The following SLC22A2 variants were observed in gnomAD, a reference collection of about 807,000 sequenced individuals.
SLC22A2 encodes the protein solute carrier family 22 member 2.
In SLC22A2, 46 loss-of-function variants were observed where a neutral mutation model predicts 60.5. The observed-to-expected ratio is 0.76, with a 90% CI of 0.60 to 0.97. The LOEUF (loss-of-function observed/expected upper bound fraction) is 0.97. Ranked by LOEUF, SLC22A2 falls within the 50% of genes least tolerant of loss-of-function variation. The pLI is 0.00. For missense variants in SLC22A2, 701 were observed against 706.6 expected, an observed-to-expected ratio of 0.99 and a Z score of 0.09; for synonymous variants, 303 against 267.0, an observed-to-expected ratio of 1.13 and a Z score of -1.31.
chr6:160,243,768 G>A lies in SLC22A2; in HGVS notation c.1083C>T (p.Leu361=). The change falls in exon 7 of 11, where the codon CTC becomes CTT. Residue 361 remains leucine, a synonymous_variant. Transcript: ENST00000366953. The stretch of plus-strand genomic sequence containing the variant: ...CCATGTGCATGATGAGGCCCTGGTA[G>A]AGCACAGAGCTCGTGAACCTGAGCA... ...LMYNWFTSSV[L]YQGLIMHMGL... 2 of 1,613,532 alleles carry A rather than the reference G, an allele frequency of 1.2e-6. No individual in the cohort carries two copies. The highest frequency in any genetic ancestry group is 1.7e-6 in the Non-Finnish European group (2 of 1,179,724).
intron 7 of SLC22A2, 39 bp from the exon 8 acceptor site, chr6:160,242,441 G>A (rs1470866486): frequency 1.8e-6 from 2 of 1,114,662 alleles, no homozygotes; most frequent in Admixed American, 1.7e-5. Flanking sequence ...GTACACAGAT[G>A]ATTCCTCATC....
intron 9 of SLC22A2, among the ~76,000 whole-genome samples, chr6:160,228,811 G>A (rs569819583): frequency 1.1e-4 from 16 of 151,798 alleles, no homozygotes; most frequent in African/African-American, 2.9e-4. Flanking sequence ...CTCCTGGCTC[G>A]TCCTGGCTCA....
chr6:160,218,034 C>T (rs915006885), intron 10 of SLC22A2: 7 of 161,880 alleles, frequency 4.3e-5, no homozygotes, highest in African/African-American at 1.4e-4. Context: ...TTTGTTGTTC[C>T]CAGCCATGCC....
At chr6:160,229,197 G>A (rs1782778005) in intron 9 of SLC22A2, among the ~76,000 whole-genome samples, 1 of 151,800 alleles carries the variant, frequency 6.6e-6, no homozygotes, top group African/African-American at 2.4e-5. Flanking sequence ...TTTTAAATCT[G>A]GTAAGTGGCC....
At chr6:160,229,204 G>A (rs1402417424) in intron 9 of SLC22A2, among the ~76,000 whole-genome samples, 1 of 151,824 alleles carries the variant, frequency 6.6e-6, no homozygotes, top group Non-Finnish European at 1.5e-5. Context: ...TCTGGTAAGT[G>A]GCCTCTCTTC....
Position 160,241,439 on chromosome 6 carries a change from G to A in SLC22A2, c.1501+35C>T, listed in dbSNP as rs369337187. The A allele has an allele frequency of 3.6e-6, 5 of 1,396,040 alleles. No individual in the cohort carries two copies. The African/African-American group carries it at 4.2e-5, about 12-fold the overall frequency. The allele number at this position is 1,396,040 out of a possible 1,614,324, so 86.5% of individuals were successfully genotyped here. On this transcript the variant is annotated intron_variant, in intron 9 of 10. Coordinates refer to ENST00000366953, the MANE Select transcript of SLC22A2 (RefSeq NM_003058.4). Reference sequence around the variant, plus strand: ...GAAGTGAAGGTCTCTAGAAAAATAAGTTTTCACTTAAAGACATCTGTGAAG... The same window carrying A: ...GAAGTGAAGGTCTCTAGAAAAATAAATTTTCACTTAAAGACATCTGTGAAG...
intron 9 of SLC22A2, among the ~76,000 whole-genome samples, chr6:160,235,158 A>G (rs988964574): frequency 6.6e-6 from 1 of 152,214 alleles, no homozygotes; most frequent in African/African-American, 2.4e-5. Context: ...TAAAGTGGAT[A>G]GATCCATCTC....
In SLC22A2 at chr6:160,230,227, G is replaced by A. The variant is rs550997575; in HGVS notation, c.1502-5423C>T. ...TTTTTCACCTCCCCTCCTCACACCC[G>A]GTCTGGTTTACAGTTTCGTTCCACA... On this transcript the variant is annotated intron_variant, in intron 9 of 10. Transcript: ENST00000366953. 1.1e-3 allele frequency among the ~76,000 whole-genome samples: 169 copies of A among 151,686 alleles called. 3 individuals carry two copies. The highest frequency in any genetic ancestry group is 3.8e-3 in the African/African-American group (158 of 41,126).
intron 9 of SLC22A2, among the ~76,000 whole-genome samples, chr6:160,232,128 G>C (rs532069069): frequency 6.6e-6 from 1 of 151,868 alleles, no homozygotes; most frequent in East Asian, 1.9e-4. Flanking sequence ...ACTCTTAGTT[G>C]AGTCTCCCAC....
intron 7 of SLC22A2, 75 bp from the exon 8 acceptor site, chr6:160,242,477 T>C (rs1182124745): frequency 5.8e-6 from 5 of 868,936 alleles, no homozygotes; most frequent in East Asian, 4.8e-5. Context: ...AGAGTGGGAC[T>C]GTAAGGACAA....
intron 9 of SLC22A2, among the ~76,000 whole-genome samples, chr6:160,235,231 C>T (rs1782891943): frequency 1.3e-5 from 2 of 151,974 alleles, no homozygotes; most frequent in Non-Finnish European, 2.9e-5. Flanking sequence ...TGGAGGGTAT[C>T]AGAAATTACT....
At position 160,234,384 on chromosome 6, in the gene SLC22A2, C is replaced by A. The variant is rs149345267; in HGVS notation, c.1501+7090G>T. Among the ~76,000 whole-genome samples, 5 of 152,300 alleles carry A rather than the reference C, an allele frequency of 3.3e-5. No homozygotes were observed. The South Asian group carries it at 1.0e-3, about 32-fold the overall frequency. Reference sequence around the variant, plus strand: ...ATAGGACTGCTGGAAAAGATCCCTTCGCTACCGACAAGTGGTCACCTGAAC... The same window carrying A: ...ATAGGACTGCTGGAAAAGATCCCTTAGCTACCGACAAGTGGTCACCTGAAC... On this transcript the variant is annotated intron_variant, in intron 9 of 10. Coordinates refer to ENST00000366953, the MANE Select transcript of SLC22A2 (RefSeq NM_003058.4).
intron 9 of SLC22A2, among the ~76,000 whole-genome samples, chr6:160,225,118 A>C (rs185547540): frequency 6.6e-6 from 1 of 152,330 alleles, no homozygotes; most frequent in Admixed American, 6.5e-5. Flanking sequence ...AATTAACTGT[A>C]TGAAAAGGAG....
chr6:160,250,392 G>A, intron 3 of SLC22A2, 156 bp downstream of exon 3: 2 of 697,232 alleles, frequency 2.9e-6, no homozygotes, highest in Non-Finnish European at 5.0e-6. Flanking sequence ...TGAATGAGTT[G>A]ATATGCTTTT....
chr6:160,218,567 TCAG>T (rs1400562721), intron 10 of SLC22A2, among the ~76,000 whole-genome samples: 1 of 8,658 alleles, frequency 1.2e-4, no homozygotes, highest in African/African-American at 5.1e-4. Context: ...AGTAATACCA[TCAG>T]CAGCAACAGC....
intron 9 of SLC22A2, among the ~76,000 whole-genome samples, chr6:160,228,192 C>G (rs189710931): frequency 2.4e-4 from 36 of 152,292 alleles, no homozygotes; most frequent in African/African-American, 8.4e-4. Flanking sequence ...GGGTCTGGAT[C>G]GGACACCTTT....
chr6:160,232,995 A>T (rs1443937972), intron 9 of SLC22A2, among the ~76,000 whole-genome samples: 1 of 134,066 alleles, frequency 7.5e-6, no homozygotes, highest in Admixed American at 8.2e-5. Context: ...ATCTCTTAGA[A>T]CCTCTCATTT....
At chr6:160,233,844 C>A (rs1349970325) in intron 9 of SLC22A2, among the ~76,000 whole-genome samples, 1 of 151,700 alleles carries the variant, frequency 6.6e-6, no homozygotes, top group Non-Finnish European at 1.5e-5. Flanking sequence ...CTCCATACCA[C>A]CCCCCAAAAT....
chr6:160,240,537 C>T (rs377157646), intron 9 of SLC22A2, among the ~76,000 whole-genome samples: 1 of 152,088 alleles, frequency 6.6e-6, no homozygotes, highest in East Asian at 1.9e-4. Flanking sequence ...AGGGGTGGTC[C>T]TTTGTAGATA....
Sources: allele counts gnomAD v4.1 joint callset (sites outside exome capture counted in the v4.1 genomes callset), GRCh38; gene constraint gnomAD v4.1.1; transcripts MANE v1.5; gene names NCBI Gene and HGNC (gene_info 2026-07-23, HGNC 2026-07-21).